The following POLK variants were observed in gnomAD, a reference collection of about 807,000 sequenced individuals.
POLK encodes DNA polymerase kappa, also known as polymerase (DNA directed) kappa.
POLK carries 76 observed loss-of-function variants against 94.0 expected under a neutral mutation model. The observed-to-expected ratio is 0.81, with a 90% CI of 0.67 to 0.98. The LOEUF is 0.98. POLK is among the 50% of genes least tolerant of loss of function. The pLI is 0.00. For synonymous variants in POLK, 349 were observed against 325.4 expected (o/e 1.07, Z -0.78); for missense variants, 954 against 1,010.1 (o/e 0.94, Z 0.75).
rs1207246580 is a variant in POLK, at chr5:75,584,995, A to T, written c.1226+69A>T. The T allele has an allele frequency of 4.4e-6, 4 of 907,816 alleles. No individual in the cohort carries two copies. In the Admixed American group the frequency reaches 9.3e-5, roughly 21 times the overall value. 56.2% of individuals were successfully genotyped at this position (907,816 alleles called of 1,614,324 possible). On this transcript the variant is annotated intron_variant, in intron 9 of 14. Transcript: ENST00000241436. ...TGCAATATCAGTTTTAACCATTGAG[A>T]TGAGGCTATATGGATAACATGTTTT...
At chr5:75,562,933 C>A (rs1407449907) in intron 3 of POLK, among the ~76,000 whole-genome samples, 1 of 152,184 alleles carries the variant, frequency 6.6e-6, no homozygotes, top group South Asian at 2.1e-4. Flanking sequence ...TGAGGATTTT[C>A]GCATTGATGT....
chr5:75,581,824 C>A (rs751597800), intron 7 of POLK: 20 of 188,252 alleles, frequency 1.1e-4, no homozygotes, highest in Middle Eastern at 4.7e-3. Flanking sequence ...GGACTACAGG[C>A]GCATGCCACC....
chr5:75,525,263 G>A (rs1229037687), intron 1 of POLK, among the ~76,000 whole-genome samples: 1 of 152,040 alleles, frequency 6.6e-6, no homozygotes, highest in Admixed American at 6.6e-5. Context: ...TGTGCTTAAC[G>A]AAGTAAAGAA....
At chr5:75,562,561 T>TGA (rs1771045031) in intron 3 of POLK, among the ~76,000 whole-genome samples, 1 of 152,214 alleles carries the variant, frequency 6.6e-6, no homozygotes, top group Admixed American at 6.5e-5. Context: ...ATAGGAGTGG[T>TGA]GAGAGAGGAC....
chr5:75,597,420 A>G, intron 13 of POLK: 1 of 450,252 alleles, frequency 2.2e-6, no homozygotes, highest in Non-Finnish European at 3.9e-6. Flanking sequence ...AGGTTTAAGG[A>G]GCTGAGTGAT....
At chr5:75,535,071 T>C (rs1223779010) in intron 1 of POLK, 2 of 152,260 alleles carry the variant, frequency 1.3e-5, no homozygotes, top group East Asian at 1.9e-4. Context: ...TGTAGTTAAA[T>C]GTGCTTTTGT....
In POLK at chr5:75,565,401, C is replaced by G. The variant is rs563475175; in HGVS notation, c.256-3939C>G. 2.4e-4 allele frequency among the ~76,000 whole-genome samples: 36 copies of G among 152,272 alleles called. No homozygotes were observed. The South Asian group carries it at 7.5e-3, about 32-fold the overall frequency. On this transcript the variant is annotated intron_variant, in intron 3 of 14. Coordinates refer to ENST00000241436, the Ensembl canonical transcript of POLK. ...CTTCTGTCAATTTGTCAAACTCATT[C>G]TCCATCCAGTTTTGTTCCCTTGCTG...
At chr5:75,554,225 G>A (rs2112670703) in intron 3 of POLK, among the ~76,000 whole-genome samples, 1 of 152,196 alleles carries the variant, frequency 6.6e-6, no homozygotes, top group Middle Eastern at 3.4e-3. Context: ...CCATTACCAT[G>A]GAAGGAAGGA....
chr5:75,565,158 C>T (rs535321078), intron 3 of POLK, among the ~76,000 whole-genome samples: 8 of 152,102 alleles, frequency 5.3e-5, no homozygotes, highest in Non-Finnish European at 1.0e-4. Flanking sequence ...TCCTTTCTTC[C>T]GCTTGATCAA....
chr5:75,533,527 A>C (rs75891325), intron 1 of POLK, among the ~76,000 whole-genome samples: 12,021 of 152,228 alleles, frequency 0.079, 565 homozygotes, highest in South Asian at 0.17. Flanking sequence ...TGATGCCTCC[A>C]GCTTTGTTCT....
intron 1 of POLK, among the ~76,000 whole-genome samples, chr5:75,525,287 A>G (rs1012876847): frequency 2.6e-5 from 4 of 152,220 alleles, no homozygotes; most frequent in African/African-American, 9.6e-5. Context: ...TGTTTGTATC[A>G]TTATAAAGAA....
chr5:75,560,317 C>T (rs9293655), intron 3 of POLK, among the ~76,000 whole-genome samples: 18,934 of 152,022 alleles, frequency 0.12, 1,291 homozygotes, highest in East Asian at 0.23. Flanking sequence ...TAATTAAGCC[C>T]TTATTGTATC....
chr5:75,603,922 A>C (rs375462576), downstream of POLK, among the ~76,000 whole-genome samples: 10 of 152,294 alleles, frequency 6.6e-5, no homozygotes, highest in East Asian at 7.7e-4. Flanking sequence ...CATTCTTTGC[A>C]TGGCCCCCGA....
At chr5:75,574,587 G>A (rs1771766087) in intron 5 of POLK, among the ~76,000 whole-genome samples, 1 of 152,046 alleles carries the variant, frequency 6.6e-6, no homozygotes, top group Admixed American at 6.5e-5. Context: ...CTGCCTGAAT[G>A]GAAACACTTA....
At chr5:75,600,242 A>G (rs1360540278) in exon 15 of POLK, 1 of 152,220 alleles carries the variant, frequency 6.6e-6, no homozygotes, top group Non-Finnish European at 1.5e-5. Flanking sequence ...TCCCAGCCAT[A>G]TTAATATTTG....
chr5:75,546,959 G>T, intron 1 of POLK, 51 bp from the exon 2 acceptor site: 2 of 985,028 alleles, frequency 2.0e-6, no homozygotes, highest in African/African-American at 1.7e-5. Context: ...GAGCCACCAC[G>T]CCTGGCCACA....
rs905081773 is a variant in POLK, at chr5:75,581,110, A to T, written c.695-99A>T. ...GATCCTAGAAACTAAACTAAACTAG[A>T]TTTTTGTTTTTGTCTTCAGAAATAA... is the stretch of plus-strand genomic sequence containing the variant. On this transcript the variant is annotated intron_variant, in intron 6 of 14. Transcript: ENST00000241436. 1.3e-5 allele frequency: 10 copies of T among 772,992 alleles called. No individual in the cohort carries two copies. The African/African-American group carries it at 1.6e-4, about 12-fold the overall frequency. The allele number at this position is 772,992 out of a possible 1,614,324, so 47.9% of individuals were successfully genotyped here. A position where few individuals can be genotyped will look rare whatever the true frequency, so the allele number is the denominator to read the frequency against.
chr5:75,589,911 C>T (rs1201438236), intron 10 of POLK, among the ~76,000 whole-genome samples: 1 of 152,290 alleles, frequency 6.6e-6, no homozygotes, highest in South Asian at 2.1e-4. Flanking sequence ...CATGAGCCAA[C>T]CCCTTAAATC....
intron 1 of POLK, among the ~76,000 whole-genome samples, chr5:75,517,851 A>G (rs1002697439): frequency 4.6e-5 from 7 of 152,160 alleles, no homozygotes; most frequent in Non-Finnish European, 1.0e-4. Context: ...TCATAAAGAG[A>G]TGTTGAATTT....
Sources: allele counts gnomAD v4.1 joint callset (sites outside exome capture counted in the v4.1 genomes callset), GRCh38; gene constraint gnomAD v4.1.1; transcripts MANE v1.5; gene names NCBI Gene and HGNC (gene_info 2026-07-23, HGNC 2026-07-21).